Variants in ATP10A observed in about 807,000 individuals in gnomAD.
ATP10A encodes ATPase phospholipid transporting 10A (putative), also known as phospholipid-transporting ATPase VA.
A neutral mutation model predicts 147.8 loss-of-function variants in ATP10A; 111 were observed. The ratio of observed to expected loss-of-function variants is 0.75; its 90% CI spans 0.64 to 0.88. The LOEUF (loss-of-function observed/expected upper bound fraction) is 0.88, where lower values mean the gene tolerates loss of function less well. Ranked by LOEUF, ATP10A falls within the 40% of genes least tolerant of loss-of-function variation. The probability of loss-of-function intolerance (pLI) is 0.00; values close to 1 mark genes in which losing one functional copy is unlikely to be tolerated. For missense variants in ATP10A, 1,927 were observed against 1,959.0 expected, an observed-to-expected ratio of 0.98 and a Z score of 0.31; for synonymous variants, 875 against 841.6, an observed-to-expected ratio of 1.04 and a Z score of -0.69.
chr15:25,798,884 G>C (rs761921493), intron 1 of ATP10A, among the ~76,000 whole-genome samples: 2 of 148,620 alleles, frequency 1.3e-5, no homozygotes, highest in African/African-American at 2.5e-5. Flanking sequence ...CCGGTACAGG[G>C]ATCCCACTCG....
At chr15:25,709,966 G>A (rs1341178188) in intron 10 of ATP10A, 1 of 152,312 alleles carries the variant, frequency 6.6e-6, no homozygotes, top group Non-Finnish European at 1.5e-5. Context: ...CATCACCGAG[G>A]AGCTGGGGGA....
At chr15:25,862,051 G>A (rs977243670) in intron 1 of ATP10A, 3 of 333,532 alleles carry the variant, frequency 9.0e-6, no homozygotes, top group African/African-American at 4.4e-5. Flanking sequence ...AAGAAAATTA[G>A]GCAGGCAGCT....
intron 1 of ATP10A, among the ~76,000 whole-genome samples, chr15:25,791,349 CT>C (rs555029681): frequency 1.3e-5 from 2 of 152,122 alleles, no homozygotes; most frequent in East Asian, 3.9e-4. Flanking sequence ...TTCAATCTTT[CT>C]TTTTTTCTTC....
intron 1 of ATP10A, among the ~76,000 whole-genome samples, chr15:25,820,924 G>A (rs79825056): frequency 1.1e-3 from 160 of 152,230 alleles, no homozygotes; most frequent in Non-Finnish European, 1.8e-3. Flanking sequence ...TGGAAGGTAT[G>A]CAAGTTTTCC....
intron 1 of ATP10A, among the ~76,000 whole-genome samples, chr15:25,792,115 T>C (rs1039689860): frequency 6.6e-6 from 1 of 152,242 alleles, no homozygotes; most frequent in African/African-American, 2.4e-5. Flanking sequence ...TATTGCTAAC[T>C]AGTTCTTTTC....
At chr15:25,797,761 C>T (rs936457664) in intron 1 of ATP10A, among the ~76,000 whole-genome samples, 1 of 152,108 alleles carries the variant, frequency 6.6e-6, no homozygotes, top group African/African-American at 2.4e-5. Flanking sequence ...GGCACATCAC[C>T]AGGAGACTGC....
In ATP10A at chr15:25,800,044, G is replaced by A. The variant is rs73366968; in HGVS notation, c.450-18821C>T. Among the ~76,000 whole-genome samples the A allele has an allele frequency of 5.3e-3, 810 of 152,274 alleles. 9 individuals carry two copies. Among genetic ancestry groups the A allele is most frequent in the African/African-American group, 0.019 (784 of 41,546 alleles). On this transcript the variant is annotated intron_variant, in intron 1 of 20. Coordinates refer to ENST00000555815, the MANE Select transcript of ATP10A (RefSeq NM_024490.4). The stretch of plus-strand genomic sequence containing the variant: ...AAAGCGACAAAGAACCTTGTCATTA[G>A]ACACCAAACTCGCCTGGGGGCCAGG...
intron 2 of ATP10A, among the ~76,000 whole-genome samples, chr15:25,775,284 T>A (rs1463898018): frequency 1.3e-5 from 2 of 152,226 alleles, no homozygotes; most frequent in Non-Finnish European, 2.9e-5. Context: ...AAATATTTTG[T>A]CTTCTACATA....
chr15:25,830,133 A>G (rs1171580758), intron 1 of ATP10A, among the ~76,000 whole-genome samples: 1 of 152,142 alleles, frequency 6.6e-6, no homozygotes, highest in Non-Finnish European at 1.5e-5. Context: ...GAATGGAGCC[A>G]CGGAGAGGAG....
intron 1 of ATP10A, among the ~76,000 whole-genome samples, chr15:25,811,144 G>T (rs1242511300): frequency 1.3e-5 from 2 of 152,194 alleles, no homozygotes; most frequent in Non-Finnish European, 2.9e-5. Flanking sequence ...GGACGATTCA[G>T]CGCGAGGTGG....
intron 2 of ATP10A, among the ~76,000 whole-genome samples, chr15:25,746,611 C>CA (rs1334046248): frequency 3.3e-5 from 5 of 152,106 alleles, no homozygotes; most frequent in Admixed American, 2.0e-4. Context: ...CAATCAATTT[C>CA]AAAAAACTAA....
At chr15:25,774,789 A>C (rs6576459) in intron 2 of ATP10A, among the ~76,000 whole-genome samples, 123,140 of 152,062 alleles carry the variant, frequency 0.81, 49,891 homozygotes, top group South Asian at 0.84. Flanking sequence ...TATTACCTAC[A>C]GAACTGAATT....
At chr15:25,735,978 A>G in intron 3 of ATP10A, 78 bp downstream of exon 3, 1 of 1,259,110 alleles carries the variant, frequency 7.9e-7, no homozygotes. Flanking sequence ...TGCATACTTT[A>G]TAACTGAGAA....
chr15:25,761,399 C>T (rs1374831726), intron 2 of ATP10A, among the ~76,000 whole-genome samples: 1 of 152,236 alleles, frequency 6.6e-6, no homozygotes, highest in Non-Finnish European at 1.5e-5. Flanking sequence ...AGGGGCAGCA[C>T]CTAGTGGAGC....
At chr15:25,745,574 G>A (rs142155076) in intron 2 of ATP10A, among the ~76,000 whole-genome samples, 3 of 152,102 alleles carry the variant, frequency 2.0e-5, no homozygotes, top group Non-Finnish European at 2.9e-5. Flanking sequence ...GAAAGAGAGA[G>A]AGAGAAGGAA....
chr15:25,699,103 T>C (rs1051176995), intron 13 of ATP10A, among the ~76,000 whole-genome samples: 2 of 152,116 alleles, frequency 1.3e-5, no homozygotes, highest in African/African-American at 4.8e-5. Flanking sequence ...AAAATTCATA[T>C]ACGAAGGCAA....
At chr15:25,834,482 A>G (rs1033554296) in intron 1 of ATP10A, among the ~76,000 whole-genome samples, 1 of 152,242 alleles carries the variant, frequency 6.6e-6, no homozygotes, top group Non-Finnish European at 1.5e-5. Flanking sequence ...AGATGGCTAG[A>G]GTCTGAAACA....
At chr15:25,693,067 G>A (rs1416050683) in intron 14 of ATP10A, among the ~76,000 whole-genome samples, 2 of 151,986 alleles carry the variant, frequency 1.3e-5, no homozygotes, top group Admixed American at 1.3e-4. Flanking sequence ...TATTGCCTAG[G>A]CTGGAGTGTA....
chr15:25,751,508 T>C (rs1004143164), intron 2 of ATP10A, among the ~76,000 whole-genome samples: 1 of 152,130 alleles, frequency 6.6e-6, no homozygotes, highest in African/African-American at 2.4e-5. Context: ...ATAGACCATA[T>C]TTTAGGTCCT....
Sources: allele counts gnomAD v4.1 joint callset (sites outside exome capture counted in the v4.1 genomes callset), GRCh38; gene constraint gnomAD v4.1.1; transcripts MANE v1.5; gene names NCBI Gene and HGNC (gene_info 2026-07-23, HGNC 2026-07-21).